The following NLGN4Y variants were observed in gnomAD, a reference collection of about 807,000 sequenced individuals.
The protein encoded by NLGN4Y is neuroligin 4 Y-linked.
In NLGN4Y, 4 loss-of-function variants were observed where a neutral mutation model predicts 8.4. The observed-to-expected ratio is 0.48, with a 90% CI of 0.23 to 1.09. The LOEUF (loss-of-function observed/expected upper bound fraction) is 1.09. NLGN4Y is among the 50% of genes least tolerant of loss of function. The pLI is 0.19. For synonymous variants in NLGN4Y, 35 were observed against 75.6 expected (o/e 0.46, Z 2.78); for missense variants, 90 against 192.3 (o/e 0.47, Z 3.15).
intron 4 of NLGN4Y, among the ~76,000 whole-genome samples, chrY:14,766,626 T>C: frequency 3.0e-5 from 1 of 33,367 alleles, no homozygotes; most frequent in Admixed American, 2.8e-4. Context: ...AGAATTTTTG[T>C]CCATTACACT....
At chrY:14,603,226 T>A (rs889887039) in intron 1 of NLGN4Y, among the ~76,000 whole-genome samples, 94 of 32,501 alleles carry the variant, frequency 2.9e-3, no homozygotes, top group Non-Finnish European at 4.8e-3. Context: ...TGATTTAAAA[T>A]TGTTTTGCAG....
intron 1 of NLGN4Y, among the ~76,000 whole-genome samples, chrY:14,606,728 A>G: frequency 2.4e-4 from 1 of 4,164 alleles, no homozygotes; most frequent in Non-Finnish European, 4.7e-4. Context: ...GAACTGGTCA[A>G]AAATGCCATT....
intron 2 of NLGN4Y, among the ~76,000 whole-genome samples, chrY:14,657,519 C>T: frequency 9.1e-5 from 3 of 33,139 alleles, no homozygotes; most frequent in Non-Finnish European, 2.2e-4. Flanking sequence ...GTGCCACTTT[C>T]CTTACTTTGT....
intron 6 of NLGN4Y, among the ~76,000 whole-genome samples, chrY:14,831,990 T>C: frequency 2.9e-5 from 1 of 34,021 alleles, no homozygotes; most frequent in Admixed American, 2.6e-4. Context: ...TCTTTTAATT[T>C]TCTCCTGTCT....
intron 1 of NLGN4Y, among the ~76,000 whole-genome samples, chrY:14,571,101 G>C: frequency 3.1e-5 from 1 of 32,738 alleles, no homozygotes; most frequent in Non-Finnish European, 7.5e-5. Flanking sequence ...ATAATCCTCT[G>C]GGTTTATACC....
intron 4 of NLGN4Y, among the ~76,000 whole-genome samples, chrY:14,763,574 A>G: frequency 2.9e-5 from 1 of 33,957 alleles, no homozygotes; most frequent in Non-Finnish European, 7.3e-5. Flanking sequence ...AACAATTTAC[A>G]TGATGACTTA....
Position 14,820,396 on chromosome Y carries a change from G to C in NLGN4Y, c.686-3792G>C. Among the ~76,000 whole-genome samples the C allele has an allele frequency of 1.8e-4, 6 of 32,836 alleles. No homozygotes were observed. The East Asian group carries it at 4.8e-3, about 26-fold the overall frequency. The allele number at this position is 32,836 out of a possible 37,273, so 88.1% of individuals were successfully genotyped here. On this transcript the variant is annotated intron_variant, in intron 4 of 6. Coordinates refer to ENST00000684976, the MANE Select transcript of NLGN4Y (RefSeq NM_001365588.1). Reference sequence around the variant, plus strand: ...CCTTAGGGAGGGAAGGGATCTCCAGGGTTGGAAGAGTGACACCTTTTGTCC... The same window carrying C: ...CCTTAGGGAGGGAAGGGATCTCCAGCGTTGGAAGAGTGACACCTTTTGTCC...
intron 2 of NLGN4Y, among the ~76,000 whole-genome samples, chrY:14,651,115 G>T (rs2080627964): frequency 3.0e-5 from 1 of 32,894 alleles, no homozygotes; most frequent in Non-Finnish European, 7.5e-5. Flanking sequence ...TTTATATTTG[G>T]CCCTGTTCAT....
intron 1 of NLGN4Y, among the ~76,000 whole-genome samples, chrY:14,566,380 T>C (rs2080251671): frequency 3.0e-5 from 1 of 32,960 alleles, no homozygotes. Flanking sequence ...TCCTAGTCTC[T>C]GATAAAACAG....
chrY:14,701,835 G>T (rs2080849311), intron 2 of NLGN4Y, among the ~76,000 whole-genome samples: 1 of 32,758 alleles, frequency 3.1e-5, no homozygotes, highest in African/African-American at 1.2e-4. Flanking sequence ...TAACATATTG[G>T]CAGATTGAGG....
intron 2 of NLGN4Y, among the ~76,000 whole-genome samples, chrY:14,706,163 G>A: frequency 3.0e-5 from 1 of 33,119 alleles, no homozygotes; most frequent in African/African-American, 1.2e-4. Flanking sequence ...TACAAAGTTA[G>A]AGAGGAAATT....
intron 5 of NLGN4Y, among the ~76,000 whole-genome samples, chrY:14,826,055 ACTT>A (rs2043144595): frequency 3.0e-5 from 1 of 33,523 alleles, no homozygotes; most frequent in Non-Finnish European, 7.4e-5. Flanking sequence ...ATCAGATGAA[ACTT>A]CAAAGAGAAG....
chrY:14,646,924 A>G, intron 2 of NLGN4Y, among the ~76,000 whole-genome samples: 1 of 34,272 alleles, frequency 2.9e-5, no homozygotes, highest in Non-Finnish European at 7.3e-5. Context: ...GGTAATTACC[A>G]TGTTGACTGC....
intron 2 of NLGN4Y, among the ~76,000 whole-genome samples, chrY:14,661,589 A>T (rs767064381): frequency 3.0e-5 from 1 of 33,303 alleles, no homozygotes; most frequent in East Asian, 8.0e-4. Context: ...AACCCTTATG[A>T]TATATGTCCC....
chrY:14,836,975 C>G, intron 6 of NLGN4Y, among the ~76,000 whole-genome samples: 1 of 33,805 alleles, frequency 3.0e-5, no homozygotes, highest in Non-Finnish European at 7.3e-5. Flanking sequence ...GAGGCTTGTA[C>G]ATCAGATTGA....
chrY:14,763,585 C>T (rs2081086734), intron 4 of NLGN4Y, among the ~76,000 whole-genome samples: 1 of 33,884 alleles, frequency 3.0e-5, no homozygotes, highest in African/African-American at 1.1e-4. Flanking sequence ...TGATGACTTA[C>T]AGAACGACTG....
At chrY:14,713,097 C>A in intron 2 of NLGN4Y, among the ~76,000 whole-genome samples, 1 of 33,747 alleles carries the variant, frequency 3.0e-5, no homozygotes, top group African/African-American at 1.2e-4. Flanking sequence ...ACTAAAAAAG[C>A]CTCTTTCTCT....
At chrY:14,704,998 G>A (rs996833193) in intron 2 of NLGN4Y, among the ~76,000 whole-genome samples, 23 of 32,608 alleles carry the variant, frequency 7.1e-4, no homozygotes, top group African/African-American at 2.6e-3. Context: ...CTTTGGGATC[G>A]GTGGTGATAT....
intron 2 of NLGN4Y, among the ~76,000 whole-genome samples, chrY:14,652,570 T>C (rs2080633214): frequency 3.0e-5 from 1 of 33,274 alleles, no homozygotes; most frequent in Non-Finnish European, 7.5e-5. Flanking sequence ...TTTGTTTTCT[T>C]AATTTGTCTC....
Sources: allele counts gnomAD v4.1 joint callset (sites outside exome capture counted in the v4.1 genomes callset), GRCh38; gene constraint gnomAD v4.1.1; transcripts MANE v1.5; gene names NCBI Gene and HGNC (gene_info 2026-07-23, HGNC 2026-07-21).